INPP4B: variants seen among roughly 807,000 people sequenced by gnomAD.
INPP4B encodes inositol polyphosphate 4-phosphatase type II.
A neutral mutation model predicts 122.5 loss-of-function variants in INPP4B; 55 were observed. The ratio of observed to expected loss-of-function variants is 0.45; its 90% CI spans 0.36 to 0.56. The LOEUF is 0.56. Ranked by LOEUF, INPP4B falls within the 20% of genes least tolerant of loss-of-function variation. The pLI is 0.00. For synonymous variants in INPP4B, 403 were observed against 388.7 expected, an observed-to-expected ratio of 1.04 and a Z score of -0.43; for missense variants, 1,000 against 1,097.7, an observed-to-expected ratio of 0.91 and a Z score of 1.26.
chr4:142,362,612 G>A (rs751535445), intron 7 of INPP4B, among the ~76,000 whole-genome samples: 2 of 151,910 alleles, frequency 1.3e-5, no homozygotes, highest in Non-Finnish European at 2.9e-5. Context: ...TGAAGAAAGT[G>A]CAGCCTACAA....
intron 2 of INPP4B, among the ~76,000 whole-genome samples, chr4:142,586,432 T>G (rs1580434100): frequency 6.6e-6 from 1 of 152,182 alleles, no homozygotes; most frequent in Admixed American, 6.6e-5. Context: ...AGAACCTATT[T>G]GGAACCATAT....
intron 12 of INPP4B, among the ~76,000 whole-genome samples, chr4:142,210,726 C>T (rs1190329171): frequency 1.3e-5 from 2 of 152,096 alleles, no homozygotes; most frequent in Non-Finnish European, 2.9e-5. Context: ...AAAATATTAG[C>T]TAACAATTTT....
chr4:142,317,274 A>C, intron 7 of INPP4B: 1 of 361,488 alleles, frequency 2.8e-6, no homozygotes, highest in Non-Finnish European at 5.5e-6. Flanking sequence ...AACTACCAAA[A>C]CCGCAGAGGA....
At chr4:142,150,655 G>C (rs1214454388) in intron 17 of INPP4B, among the ~76,000 whole-genome samples, 3 of 152,016 alleles carry the variant, frequency 2.0e-5, no homozygotes, top group African/African-American at 7.2e-5. Flanking sequence ...TTTATTTCTG[G>C]GTTACAACCT....
chr4:142,227,364 G>A (rs1442730236), intron 12 of INPP4B, among the ~76,000 whole-genome samples: 1 of 152,024 alleles, frequency 6.6e-6, no homozygotes, highest in African/African-American at 2.4e-5. Context: ...GGTAAGGAGT[G>A]CACACTGGAT....
In INPP4B at chr4:142,070,720, G is replaced by A. The variant is rs764180959; in HGVS notation, c.2642+11311C>T. Among the ~76,000 whole-genome samples the A allele has an allele frequency of 3.3e-5, 5 of 152,118 alleles. No individual in the cohort carries two copies. The South Asian group carries it at 6.2e-4, about 19-fold the overall frequency. On this transcript the variant is annotated intron_variant, in intron 25 of 25. Coordinates refer to ENST00000262992, the MANE Select transcript of INPP4B (RefSeq NM_001101669.3). Reference sequence around the variant, plus strand: ...AGACAGACAGAGAGCCAAATTATGAGTGAACTCCCATTCACAATTGCTTCA... The same window carrying A: ...AGACAGACAGAGAGCCAAATTATGAATGAACTCCCATTCACAATTGCTTCA...
chr4:142,380,352 G>C (rs1228920058), intron 7 of INPP4B, among the ~76,000 whole-genome samples: 1 of 152,050 alleles, frequency 6.6e-6, no homozygotes, highest in Non-Finnish European at 1.5e-5. Flanking sequence ...ATTTTCAGCT[G>C]CTGCTTCATT....
chr4:142,553,222 C>A (rs1728389016), intron 2 of INPP4B, among the ~76,000 whole-genome samples: 1 of 152,146 alleles, frequency 6.6e-6, no homozygotes, highest in Admixed American at 6.5e-5. Flanking sequence ...CCTGTAGTTT[C>A]TTCCAATAAA....
chr4:142,466,885 G>A (rs1318919049), intron 2 of INPP4B, among the ~76,000 whole-genome samples: 2 of 152,142 alleles, frequency 1.3e-5, no homozygotes, highest in African/African-American at 4.8e-5. Flanking sequence ...TCAGGTACAG[G>A]TACAGCTCAG....
At chr4:142,793,980 C>T (rs965353941) in intron 1 of INPP4B, among the ~76,000 whole-genome samples, 5 of 152,116 alleles carry the variant, frequency 3.3e-5, no homozygotes, top group African/African-American at 1.2e-4. Flanking sequence ...GTCAGTTCTA[C>T]TCAAATTGAT....
intron 1 of INPP4B, among the ~76,000 whole-genome samples, chr4:142,819,048 C>T (rs1416263302): frequency 6.6e-6 from 1 of 152,130 alleles, no homozygotes; most frequent in East Asian, 1.9e-4. Context: ...GGACTCCAGT[C>T]ATGCGTTGTG....
intron 1 of INPP4B, among the ~76,000 whole-genome samples, chr4:142,842,686 TAATATAATATATAATATATA>T (rs1466495899): frequency 1.5e-5 from 2 of 131,350 alleles, no homozygotes; most frequent in African/African-American, 2.9e-5. Context: ...ATTAATATAT[TAATATAATATATAATATATA>T]AATATAATAT....
chr4:142,363,441 A>G (rs116530410), intron 7 of INPP4B, among the ~76,000 whole-genome samples: 1 of 152,074 alleles, frequency 6.6e-6, no homozygotes, highest in African/African-American at 2.4e-5. Flanking sequence ...ATATTTATAT[A>G]TATGTATGCT....
intron 17 of INPP4B, among the ~76,000 whole-genome samples, chr4:142,156,041 T>A (rs1816996076): frequency 6.7e-6 from 1 of 149,610 alleles, no homozygotes; most frequent in Non-Finnish European, 1.5e-5. Context: ...ACTAAAATTT[T>A]AAATTTGGCT....
chr4:142,336,239 G>C (rs918352335), intron 7 of INPP4B, among the ~76,000 whole-genome samples: 7 of 152,202 alleles, frequency 4.6e-5, no homozygotes, highest in Non-Finnish European at 1.0e-4. Context: ...CAAGAGCCTG[G>C]AACCTGCCAC....
intron 11 of INPP4B, among the ~76,000 whole-genome samples, chr4:142,252,987 C>A (rs1218319961): frequency 2.0e-5 from 3 of 152,234 alleles, no homozygotes; most frequent in African/African-American, 4.8e-5. Context: ...CACACCTACG[C>A]TCCAGGGTAT....
chr4:142,842,496 T>C (rs1011723258), intron 1 of INPP4B, among the ~76,000 whole-genome samples: 4 of 141,676 alleles, frequency 2.8e-5, no homozygotes, highest in Admixed American at 1.5e-4. Flanking sequence ...AGTACAACTG[T>C]GCCTTATTTA....
At chr4:142,400,559 A>G (rs1412882201) in intron 7 of INPP4B, among the ~76,000 whole-genome samples, 1 of 152,240 alleles carries the variant, frequency 6.6e-6, no homozygotes, top group Non-Finnish European at 1.5e-5. Context: ...ACATGTCCAT[A>G]GGAACTATTA....
intron 7 of INPP4B, among the ~76,000 whole-genome samples, chr4:142,369,553 G>T (rs949959584): frequency 2.0e-5 from 3 of 148,454 alleles, no homozygotes; most frequent in African/African-American, 7.5e-5. Context: ...TTTCAGCCTG[G>T]GTGACAGAAT....
Sources: gnomAD v4.1 joint callset for allele counts (sites outside exome capture counted in the v4.1 genomes callset) on GRCh38, gnomAD v4.1.1 for gene constraint, MANE v1.5 for transcripts, NCBI Gene and HGNC (gene_info 2026-07-23, HGNC 2026-07-21) for gene names.